The following STAT4 variants were observed in gnomAD, a reference collection of about 807,000 sequenced individuals.
The protein encoded by STAT4 is signal transducer and activator of transcription 4.
In STAT4, 42 loss-of-function variants were observed where a neutral mutation model predicts 110.5. The ratio of observed to expected loss-of-function variants is 0.38; its 90% CI spans 0.30 to 0.49. The LOEUF is 0.49. Ranked by LOEUF, STAT4 falls within the 20% of genes least tolerant of loss-of-function variation. The pLI is 0.95. For synonymous variants in STAT4, 284 were observed against 302.2 expected (o/e 0.94, Z 0.63); for missense variants, 632 against 887.9 (o/e 0.71, Z 3.66).
Position 191,066,643 on chromosome 2 carries a change from AGAGGT to A in STAT4, c.545-133_545-129del, listed in dbSNP as rs1292430944. ...TGGTAAGAGACTAATTGGGTTCACT[AGAGGT>A]GAGCTTGGAAGTCTGTCTGCTCATT... On this transcript the variant is annotated intron_variant, in intron 6 of 23. Coordinates refer to ENST00000392320, the MANE Select transcript of STAT4 (RefSeq NM_003151.4). The surrounding 1 kb of genome is among the most constrained non-coding windows in gnomAD (Gnocchi z 4.3). 1.4e-5 allele frequency: 10 copies of A among 715,876 alleles called. No homozygotes were observed. The highest frequency in any genetic ancestry group is 2.3e-5 in the Non-Finnish European group (10 of 435,928). The allele number at this position is 715,876 out of a possible 1,614,324, so 44.3% of individuals were successfully genotyped here. A position where few individuals can be genotyped will look rare whatever the true frequency, so the allele number is the denominator to read the frequency against.
intron 3 of STAT4, among the ~76,000 whole-genome samples, chr2:191,122,478 T>C (rs1698765443): frequency 6.6e-6 from 1 of 152,132 alleles, no homozygotes; most frequent in African/African-American, 2.4e-5. Context: ...TAATGCCCTA[T>C]TACCCAGCCA....
chr2:191,137,589 G>A (rs1013385112), intron 3 of STAT4, among the ~76,000 whole-genome samples: 15 of 152,152 alleles, frequency 9.9e-5, no homozygotes, highest in Admixed American at 2.0e-4. Context: ...AACAAAGCTG[G>A]AAGCATCATA....
chr2:191,038,850 G>A (rs991026689), intron 16 of STAT4, among the ~76,000 whole-genome samples: 1 of 152,180 alleles, frequency 6.6e-6, no homozygotes, highest in African/African-American at 2.4e-5. Flanking sequence ...GCATGGACAA[G>A]GTGGGACCAG....
At chr2:191,130,943 C>A (rs1365668372) in intron 3 of STAT4, among the ~76,000 whole-genome samples, 1 of 95,226 alleles carries the variant, frequency 1.1e-5, no homozygotes, top group Admixed American at 1.2e-4. Flanking sequence ...AAATTAAATG[C>A]ATTTATTAAA....
intron 3 of STAT4, among the ~76,000 whole-genome samples, chr2:191,137,044 A>T (rs767686863): frequency 8.5e-5 from 13 of 152,168 alleles, no homozygotes; most frequent in Non-Finnish European, 1.5e-4. Context: ...AACACTGATT[A>T]AAAAAATTGA....
Position 191,064,812 on chromosome 2 carries a change from C to A in STAT4, c.777G>T (p.Gln259His), listed in dbSNP as rs1406155106. The A allele has an allele frequency of 2.0e-5, 32 of 1,610,248 alleles. No individual in the cohort carries two copies. Among genetic ancestry groups the A allele is most frequent in the Non-Finnish European group, 2.7e-5 (32 of 1,178,662 alleles). Residue 259 changes from glutamine to histidine, a missense_variant, in exon 8 of 24, where the codon CAG (glutamine) becomes CAT (histidine). Gln to His is a conservative substitution (Grantham distance 24). Around this residue, in one of 4 missense-constraint regions of STAT4, gnomAD observed 488 missense variants for 632.8 expected, o/e 0.77. Transcript: ENST00000392320. ...GPLHNGLDQL[Q>H]NCFTLLAESL... ...CTGCAGTCGATTCGTTTTACCAGTTCTGAAGCTGGTCGAGCCCATTGTGGA... is the reference window on the plus strand; with the variant it reads ...CTGCAGTCGATTCGTTTTACCAGTTATGAAGCTGGTCGAGCCCATTGTGGA...
chr2:191,086,317 A>C lies in STAT4; in HGVS notation c.274-9992T>G, dbSNP rs1489702243. On this transcript the variant is annotated intron_variant, in intron 3 of 23. Coordinates refer to ENST00000392320, the MANE Select transcript of STAT4 (RefSeq NM_003151.4). This position sits in a 1 kb window ranked among gnomAD's most constrained non-coding sequence, Gnocchi z 5.5. ...CCCGGGAACCTCATAGGACCTCAAG[A>C]AGAGAGGAATTCACCCAATTCATAC... Among the ~76,000 whole-genome samples, 1 of 152,152 alleles carries C rather than the reference A, an allele frequency of 6.6e-6. No individual in the cohort carries two copies. The highest frequency in any genetic ancestry group is 2.4e-5 in the African/African-American group (1 of 41,430).
At position 191,112,558 on chromosome 2, in the gene STAT4, T is replaced by G. The variant is rs753234559; in HGVS notation, c.273+34055A>C. Among the ~76,000 whole-genome samples the G allele has an allele frequency of 6.6e-6, 1 of 152,236 alleles. No homozygotes were observed. Among genetic ancestry groups the G allele is most frequent in the Non-Finnish European group, 1.5e-5 (1 of 68,044 alleles). ...AAAACATGCCCTGTGGCACAATCTA[T>G]ATGTAGTATAGGATAGTGATGAAAC... On this transcript the variant is annotated intron_variant, in intron 3 of 23. Transcript: ENST00000392320. The surrounding 1 kb of genome is among the most constrained non-coding windows in gnomAD (Gnocchi z 4.3).
rs1474423631 is a variant in STAT4, at chr2:191,107,186, T to A, written c.274-30861A>T. 6.6e-6 allele frequency among the ~76,000 whole-genome samples: 1 copy of A among 152,172 alleles called. No individual in the cohort carries two copies. The highest frequency in any genetic ancestry group is 1.5e-5 in the Non-Finnish European group (1 of 68,028). On this transcript the variant is annotated intron_variant, in intron 3 of 23. Transcript: ENST00000392320. This position sits in a 1 kb window ranked among gnomAD's most constrained non-coding sequence, Gnocchi z 4.2. ...AAGCTTCAGGGTTTGAGGTGTCTTG[T>A]TTTGTGAGGTCTTTGGTATGATAGT...
chr2:191,074,696 G>A (rs1270402168), intron 4 of STAT4, among the ~76,000 whole-genome samples: 2 of 151,896 alleles, frequency 1.3e-5, no homozygotes, highest in African/African-American at 4.8e-5. Flanking sequence ...TACCCCAAAG[G>A]CACTAAATCA....
intron 3 of STAT4, chr2:191,131,726 T>G (rs1263447088): frequency 1.6e-6 from 2 of 1,226,282 alleles, no homozygotes; most frequent in Non-Finnish European, 2.1e-6. Context: ...TTCTCCGATG[T>G]TTTGTATTAG....
chr2:191,084,960 TA>T (rs1697596218), intron 3 of STAT4, among the ~76,000 whole-genome samples: 3 of 151,864 alleles, frequency 2.0e-5, no homozygotes, highest in Admixed American at 2.0e-4. Flanking sequence ...AATAATATAC[TA>T]TACAAAGGTA....
At position 191,029,667 on chromosome 2, in the gene STAT4, C is replaced by T. The variant is rs1429234271; in HGVS notation, c.*173G>A. On this transcript the variant is annotated 3_prime_UTR_variant, in exon 24 of 24. Coordinates refer to ENST00000392320, the MANE Select transcript of STAT4 (RefSeq NM_003151.4). The surrounding 1 kb of genome is among the most constrained non-coding windows in gnomAD (Gnocchi z 4.5). ...GCTTTGGTTTCAAGCATTTCAGTCA[C>T]AACACTCCCAATTGAGGAGTGCCAC... 1.6e-6 allele frequency: 1 copy of T among 625,456 alleles called. No individual in the cohort carries two copies. The highest frequency in any genetic ancestry group is 2.8e-6 in the Non-Finnish European group (1 of 362,142). The allele number at this position is 625,456 out of a possible 1,614,324, so 38.7% of individuals were successfully genotyped here.
intron 3 of STAT4, among the ~76,000 whole-genome samples, chr2:191,084,053 G>C (rs1039963751): frequency 2.6e-5 from 4 of 152,020 alleles, no homozygotes; most frequent in African/African-American, 7.2e-5. Context: ...CATGAGGTCA[G>C]GAGTTCGAGA....
chr2:191,067,229 A>G (rs992171676), intron 6 of STAT4, among the ~76,000 whole-genome samples: 5 of 152,086 alleles, frequency 3.3e-5, no homozygotes, highest in Admixed American at 3.3e-4. Flanking sequence ...CTTTATTGAC[A>G]TAGTGGTGGG....
At chr2:191,102,285 T>C (rs1698167030) in intron 3 of STAT4, among the ~76,000 whole-genome samples, 1 of 152,186 alleles carries the variant, frequency 6.6e-6, no homozygotes, top group Non-Finnish European at 1.5e-5. Flanking sequence ...TGCATTGCTA[T>C]ATTTAATTTA....
chr2:191,132,921 AT>A (rs1276862676), intron 3 of STAT4, among the ~76,000 whole-genome samples: 1 of 151,144 alleles, frequency 6.6e-6, no homozygotes, highest in Non-Finnish European at 1.5e-5. Flanking sequence ...TGCCCGGCTA[AT>A]TTTTTGTATT....
chr2:191,030,866 G>A lies in STAT4; in HGVS notation c.2220+106C>T. 1 of 980,178 alleles carries A rather than the reference G, an allele frequency of 1.0e-6. No homozygotes were observed. The highest frequency in any genetic ancestry group is 1.6e-6 in the Non-Finnish European group (1 of 627,454). The allele number at this position is 980,178 out of a possible 1,614,324, so 60.7% of individuals were successfully genotyped here. ...TGCTCATGAATTTGTTCCAATAAAT[G>A]TGTTTTCTCCCTACCCAGGCAGTAT... On this transcript the variant is annotated intron_variant, in intron 23 of 23. Coordinates refer to ENST00000392320, the MANE Select transcript of STAT4 (RefSeq NM_003151.4). The surrounding 1 kb of genome is among the most constrained non-coding windows in gnomAD (Gnocchi z 4.4).
At position 191,110,740 on chromosome 2, in the gene STAT4, T is replaced by G. The variant is rs1698401447; in HGVS notation, c.274-34415A>C. On this transcript the variant is annotated intron_variant, in intron 3 of 23. Transcript: ENST00000392320. This position sits in a 1 kb window ranked among gnomAD's most constrained non-coding sequence, Gnocchi z 4.5. ...TACCGTATCACTGAGTTTCTAAAAT[T>G]TATAGCACTACATTGAATTATATTT... 6.6e-6 allele frequency among the ~76,000 whole-genome samples: 1 copy of G among 152,140 alleles called. No individual in the cohort carries two copies. The highest frequency in any genetic ancestry group is 1.5e-5 in the Non-Finnish European group (1 of 68,008).
Sources: gnomAD v4.1 joint callset for allele counts (sites outside exome capture counted in the v4.1 genomes callset) on GRCh38, gnomAD v4.1.1 for gene constraint, gnomAD v4.1.1 regional missense constraint, Gnocchi (gnomAD v3.1) non-coding constraint, MANE v1.5 for transcripts, NCBI Gene and HGNC (gene_info 2026-07-23, HGNC 2026-07-21) for gene names.